Variants in KCNIP3 observed in about 807,000 individuals in gnomAD.
KCNIP3 encodes potassium voltage-gated channel interacting protein 3.
A neutral mutation model predicts 35.0 loss-of-function variants in KCNIP3; 28 were observed. The observed-to-expected ratio is 0.80, with a 90% CI of 0.59 to 1.10. The LOEUF is 1.10. Ranked by LOEUF, KCNIP3 falls within the 50% of genes least tolerant of loss-of-function variation. The probability of loss-of-function intolerance (pLI) is 0.00; values close to 1 mark genes in which losing one functional copy is unlikely to be tolerated. For synonymous variants in KCNIP3, 134 were observed against 133.8 expected, an observed-to-expected ratio of 1.00 and a Z score of -0.01; for missense variants, 295 against 338.4, an observed-to-expected ratio of 0.87 and a Z score of 1.01.
At chr2:95,310,317 G>A (rs1678278286) in intron 1 of KCNIP3, 38 bp from the exon 2 acceptor site, 1 of 1,613,340 alleles carries the variant, frequency 6.2e-7, no homozygotes, top group Non-Finnish European at 8.5e-7. Context: ...CCCCCTCTGA[G>A]CAGGGGCTCA....
chr2:95,326,371 C>A (rs1019929335), intron 2 of KCNIP3, among the ~76,000 whole-genome samples: 16 of 151,948 alleles, frequency 1.1e-4, no homozygotes, highest in African/African-American at 3.6e-4. Flanking sequence ...CCCCAGTACA[C>A]ACTCACACTC....
chr2:95,299,749 C>T (rs1485887853), intron 1 of KCNIP3, among the ~76,000 whole-genome samples: 4 of 152,232 alleles, frequency 2.6e-5, no homozygotes, highest in Non-Finnish European at 5.9e-5. Context: ...GGGCACTGTG[C>T]GAGATGGGCC....
At chr2:95,344,296 C>G (rs1159294457) in intron 2 of KCNIP3, among the ~76,000 whole-genome samples, 1 of 151,974 alleles carries the variant, frequency 6.6e-6, no homozygotes, top group Admixed American at 6.5e-5. Context: ...CATGGGGCTT[C>G]AGGGCTCGCC....
intron 1 of KCNIP3, among the ~76,000 whole-genome samples, chr2:95,306,449 G>T (rs1360602012): frequency 6.6e-5 from 10 of 152,226 alleles, no homozygotes; most frequent in Admixed American, 6.5e-5. Context: ...GAGCTGATGC[G>T]CTAAAGGGGA....
At chr2:95,348,904 GGCTGATAAGA>G (rs1356173280) in intron 2 of KCNIP3, among the ~76,000 whole-genome samples, 1 of 152,162 alleles carries the variant, frequency 6.6e-6, no homozygotes, top group Non-Finnish European at 1.5e-5. Flanking sequence ...TGTAAAGTGG[GGCTGATAAGA>G]ATTCCTGCTC....
intron 2 of KCNIP3, among the ~76,000 whole-genome samples, chr2:95,355,808 G>A (rs1214213509): frequency 6.6e-6 from 1 of 152,134 alleles, no homozygotes; most frequent in Non-Finnish European, 1.5e-5. Context: ...ATAAACATAC[G>A]TGTGCATGTG....
In KCNIP3 at chr2:95,325,736, C is replaced by G. The variant is rs1272507908; in HGVS notation, c.181+15216C>G. 5.9e-5 allele frequency among the ~76,000 whole-genome samples: 9 copies of G among 151,722 alleles called. No individual in the cohort carries two copies. In the East Asian group the frequency reaches 1.8e-3, roughly 30 times the overall value. ...AGTCATACACTTATACACATACACA[C>G]TCATACACACGCACTCATACACACA... On this transcript the variant is annotated intron_variant, in intron 2 of 8. Transcript: ENST00000295225.
intron 2 of KCNIP3, among the ~76,000 whole-genome samples, chr2:95,373,920 A>AG: frequency 6.6e-6 from 1 of 152,190 alleles, no homozygotes. Flanking sequence ...TGGTCTAGGA[A>AG]TTGGATACTG....
chr2:95,383,949 C>T (rs375780960), intron 8 of KCNIP3, 53 bp from the exon 9 acceptor site: 58 of 1,517,802 alleles, frequency 3.8e-5, no homozygotes, highest in Non-Finnish European at 4.8e-5. Context: ...TCAAGGGGGT[C>T]GGATTTGGAG....
chr2:95,358,817 C>T (rs1044072826), intron 2 of KCNIP3, among the ~76,000 whole-genome samples: 5 of 152,156 alleles, frequency 3.3e-5, no homozygotes, highest in African/African-American at 1.2e-4. Context: ...GCAGAGCCCT[C>T]GTAAACTAAA....
In KCNIP3 at chr2:95,375,214, T is replaced by A. The variant is rs369356051; in HGVS notation, c.447+6T>A. The A allele has an allele frequency of 1.5e-5, 24 of 1,613,368 alleles. No homozygotes were observed. The highest frequency in any genetic ancestry group is 1.9e-5 in the Non-Finnish European group (23 of 1,179,532). On this transcript the variant is annotated splice_donor_region_variant and intron_variant, in intron 5 of 8. Coordinates refer to ENST00000295225, the MANE Select transcript of KCNIP3 (RefSeq NM_013434.5). ...ACGGGGCCATCCACTTTGAGGTAGG[T>A]CCTCGCGGATTCCTCCCACGTGTCC...
At chr2:95,305,659 TC>T (rs1222312455) in intron 1 of KCNIP3, among the ~76,000 whole-genome samples, 1 of 152,098 alleles carries the variant, frequency 6.6e-6, no homozygotes, top group Non-Finnish European at 1.5e-5. Context: ...CCTGCCTGCC[TC>T]CCCCCATCCT....
intron 2 of KCNIP3, among the ~76,000 whole-genome samples, chr2:95,348,829 A>G (rs1679442648): frequency 6.6e-6 from 1 of 152,050 alleles, no homozygotes; most frequent in South Asian, 2.1e-4. Flanking sequence ...CTGTGCTGAG[A>G]TCCTGTCACC....
At chr2:95,365,833 A>G (rs1679904053) in intron 2 of KCNIP3, among the ~76,000 whole-genome samples, 1 of 151,938 alleles carries the variant, frequency 6.6e-6, no homozygotes, top group Non-Finnish European at 1.5e-5. Context: ...CCCATAGCTA[A>G]GTATTCTCAT....
At chr2:95,361,968 A>C (rs565281314) in intron 2 of KCNIP3, among the ~76,000 whole-genome samples, 1 of 152,320 alleles carries the variant, frequency 6.6e-6, no homozygotes, top group South Asian at 2.1e-4. Flanking sequence ...AGAAAGTCTG[A>C]GAAGAGGGTG....
intron 2 of KCNIP3, among the ~76,000 whole-genome samples, chr2:95,342,633 C>T (rs1480437143): frequency 2.1e-4 from 32 of 152,194 alleles, no homozygotes; most frequent in Non-Finnish European, 1.5e-5. Flanking sequence ...TCATTTTTAG[C>T]TGTGTTTTCT....
intron 2 of KCNIP3, among the ~76,000 whole-genome samples, chr2:95,315,870 T>C (rs1207766896): frequency 2.0e-5 from 3 of 152,302 alleles, no homozygotes; most frequent in African/African-American, 7.2e-5. Context: ...AGACCTGCCC[T>C]GCCTCGGGCC....
In KCNIP3 at chr2:95,297,397, G is replaced by C. The variant is rs761474458; in HGVS notation, c.-42G>C. 6.4e-6 allele frequency: 10 copies of C among 1,556,476 alleles called. No individual in the cohort carries two copies. Among genetic ancestry groups the C allele is most frequent in the African/African-American group, 1.4e-5 (1 of 73,068 alleles). On this transcript the variant is annotated 5_prime_UTR_variant, in exon 1 of 9. Transcript: ENST00000295225. Reference sequence around the variant, plus strand: ...CTGGGCAGTCTTGTCTGCCTCGGCTGTGAAGTGGGGAGGCTGGCAACAGTT... The same window carrying C: ...CTGGGCAGTCTTGTCTGCCTCGGCTCTGAAGTGGGGAGGCTGGCAACAGTT...
intron 2 of KCNIP3, among the ~76,000 whole-genome samples, chr2:95,328,545 T>C (rs1049376651): frequency 3.9e-5 from 6 of 152,232 alleles, no homozygotes; most frequent in African/African-American, 1.4e-4. Context: ...CGCCGCTGCG[T>C]GCCTGCTTAG....
Sources: allele counts gnomAD v4.1 joint callset (sites outside exome capture counted in the v4.1 genomes callset), GRCh38; gene constraint gnomAD v4.1.1; transcripts MANE v1.5; gene names NCBI Gene and HGNC (gene_info 2026-07-23, HGNC 2026-07-21).